The following PLCD4 variants were observed in gnomAD, a reference collection of about 807,000 sequenced individuals.
PLCD4 encodes the protein phospholipase C delta 4, also known as 1-phosphatidylinositol 4,5-bisphosphate phosphodiesterase delta-4.
Under a neutral mutation model 90.2 loss-of-function variants are expected in PLCD4, and 63 were observed. That is an observed-to-expected ratio of 0.70 (90% CI 0.57 to 0.86). The LOEUF is 0.86. Ranked by LOEUF, PLCD4 falls within the 40% of genes least tolerant of loss-of-function variation. The probability of loss-of-function intolerance (pLI) is 0.00; values close to 1 mark genes in which losing one functional copy is unlikely to be tolerated. For synonymous variants in PLCD4, 294 were observed against 356.5 expected, an observed-to-expected ratio of 0.82 and a Z score of 1.97; for missense variants, 830 against 956.3, an observed-to-expected ratio of 0.87 and a Z score of 1.74.
intron 9 of PLCD4, among the ~76,000 whole-genome samples, chr2:218,631,751 C>G (rs897316102): frequency 6.7e-6 from 1 of 149,770 alleles, no homozygotes; most frequent in Non-Finnish European, 1.5e-5. Context: ...GAGATTGCGC[C>G]ACTGCACTCC....
intron 3 of PLCD4, among the ~76,000 whole-genome samples, chr2:218,618,093 C>A (rs1394968613): frequency 1.1e-5 from 1 of 87,788 alleles, no homozygotes; most frequent in Non-Finnish European, 3.4e-5. Context: ...TGTCAAAAAA[C>A]AAACAAACAA....
chr2:218,622,503 G>A, intron 5 of PLCD4, 144 bp from the exon 6 acceptor site: 2 of 527,820 alleles, frequency 3.8e-6, no homozygotes, highest in Non-Finnish European at 6.6e-6. Context: ...CACATTGCAT[G>A]CCTATATCAA....
At chr2:218,617,558 C>T (rs1695675109) in intron 3 of PLCD4, among the ~76,000 whole-genome samples, 1 of 149,318 alleles carries the variant, frequency 6.7e-6, no homozygotes, top group East Asian at 2.1e-4. Context: ...GCCTGGGTGA[C>T]AAGAGCAAAA....
At chr2:218,636,449 G>T (rs937638830) in intron 15 of PLCD4, 22 bp from the exon 16 acceptor site, 17 of 1,613,986 alleles carry the variant, frequency 1.1e-5, no homozygotes, top group Admixed American at 3.3e-5. Context: ...CCTTCCTAAT[G>T]CTGTCCTCCT....
intron 9 of PLCD4, 127 bp from the exon 10 acceptor site, chr2:218,632,009 C>A: frequency 1.0e-6 from 1 of 961,310 alleles, no homozygotes; most frequent in Non-Finnish European, 1.5e-6. Flanking sequence ...AGCAGCTAAT[C>A]TCTTCCCTCG....
At position 218,636,314 on chromosome 2, in the gene PLCD4, G is replaced by T; in HGVS notation, c.2104G>T (p.Val702Leu). ...GCCTGAACTTGCCATGCTGCGTTTT[G>T]TGGTAATGGATTATGACTGGAAATC... ...LVPELAMLRF[V>L]VMDYDWKSRN... The change falls in exon 15 of 16, where the codon GTG (valine) becomes TTG (leucine). Residue 702 changes from valine to leucine, a missense_variant. Val to Leu is a conservative substitution (Grantham distance 32). Transcript: ENST00000450993. 6.2e-7 allele frequency: 1 copy of T among 1,614,044 alleles called. No individual in the cohort carries two copies. The highest frequency in any genetic ancestry group is 8.5e-7 in the Non-Finnish European group (1 of 1,179,910).
intron 10 of PLCD4, chr2:218,633,224 T>C: frequency 1.7e-6 from 1 of 599,182 alleles, no homozygotes; most frequent in Non-Finnish European, 3.0e-6. Context: ...TGTTCCTTTG[T>C]TTTAAATGAG....
chr2:218,618,589 T>C lies in PLCD4; in HGVS notation c.192T>C (p.Ser64=), dbSNP rs780237953. ...RGSAKPSFSI[S]DVETIRNGHD... Reference sequence around the variant, plus strand: ...TTTCTTCTCTGGCAGTCTCAATCTCTGATGTGGAGACAATACGTAATGGCC... The same window carrying C: ...TTTCTTCTCTGGCAGTCTCAATCTCCGATGTGGAGACAATACGTAATGGCC... Residue 64 remains serine, a synonymous_variant, in exon 4 of 16, where the codon TCT becomes TCC. Coordinates refer to ENST00000450993, the MANE Select transcript of PLCD4 (RefSeq NM_032726.4). The C allele has an allele frequency of 3.3e-5, 53 of 1,613,852 alleles. No homozygotes were observed. Among genetic ancestry groups the C allele is most frequent in the Non-Finnish European group, 4.2e-5 (50 of 1,179,804 alleles).
At chr2:218,632,032 C>A in intron 9 of PLCD4, 104 bp from the exon 10 acceptor site, 1 of 1,276,240 alleles carries the variant, frequency 7.8e-7, no homozygotes, top group Non-Finnish European at 1.1e-6. Context: ...AACTTCCGAC[C>A]ACTCACTCAC....
chr2:218,618,316 G>A (rs1020479501), intron 3 of PLCD4, among the ~76,000 whole-genome samples: 11 of 152,318 alleles, frequency 7.2e-5, no homozygotes, highest in Admixed American at 5.9e-4. Flanking sequence ...CATACTGCCA[G>A]CTTGTGGCTG....
intron 10 of PLCD4, chr2:218,633,116 C>G (rs187990281): frequency 5.6e-5 from 25 of 446,500 alleles, no homozygotes; most frequent in African/African-American, 4.4e-4. Context: ...AAAGATATTA[C>G]TCTGGGACTC....
intron 10 of PLCD4, chr2:218,633,276 A>C (rs1335589907): frequency 7.9e-6 from 5 of 635,722 alleles, no homozygotes; most frequent in Admixed American, 2.6e-5. Context: ...TATAATAATA[A>C]ATTTAAAACC....
Position 218,632,200 on chromosome 2 carries a change from A to C in PLCD4, c.1337A>C (p.Glu446Ala). 1 of 1,611,060 alleles carries C rather than the reference A, an allele frequency of 6.2e-7. No individual in the cohort carries two copies. Among genetic ancestry groups the C allele is most frequent in the Non-Finnish European group, 8.5e-7 (1 of 1,178,760 alleles). The stretch of plus-strand genomic sequence containing the variant: ...ACACTTGAGGAAGACCTGGAATATG[A>C]GGAAGAGGAAGCAGAACCTGAGTTG... Reference protein sequence around the residue: ...KLTLEEDLEYEEEEAEPELEE... With the variant: ...KLTLEEDLEYAEEEAEPELEE... The change falls in exon 10 of 16, where the codon GAG becomes GCG. Residue 446 changes from glutamate (E) to alanine (A), a missense_variant. Physicochemically the swap from Glu to Ala is moderately radical, Grantham distance 107. Coordinates refer to ENST00000450993, the MANE Select transcript of PLCD4 (RefSeq NM_032726.4).
chr2:218,623,498 C>T (rs1421641749), intron 6 of PLCD4, among the ~76,000 whole-genome samples: 1 of 152,206 alleles, frequency 6.6e-6, no homozygotes, highest in African/African-American at 2.4e-5. Context: ...AGACTCATTT[C>T]CTGCCCTCCA....
In PLCD4 at chr2:218,636,806, G is replaced by C; in HGVS notation, c.*229G>C. Reference sequence around the variant, plus strand: ...TTCATAAGCCTTTGGTATCTTTCCTGCCCTTTTCCTTTGTGTACTCTATAC... The same window carrying C: ...TTCATAAGCCTTTGGTATCTTTCCTCCCCTTTTCCTTTGTGTACTCTATAC... On this transcript the variant is annotated 3_prime_UTR_variant, in exon 16 of 16. Coordinates refer to ENST00000450993, the MANE Select transcript of PLCD4 (RefSeq NM_032726.4). 1 of 610,328 alleles carries C rather than the reference G, an allele frequency of 1.6e-6. No homozygotes were observed. Among genetic ancestry groups the C allele is most frequent in the Non-Finnish European group, 3.0e-6 (1 of 332,918 alleles). The allele number at this position is 610,328 out of a possible 1,614,324, so 37.8% of individuals were successfully genotyped here. A position where few individuals can be genotyped will look rare whatever the true frequency, so the allele number is the denominator to read the frequency against.
chr2:218,620,419 T>A (rs1306137332), intron 4 of PLCD4, among the ~76,000 whole-genome samples: 1 of 151,908 alleles, frequency 6.6e-6, no homozygotes, highest in Non-Finnish European at 1.5e-5. Flanking sequence ...GGCACGAGAA[T>A]CACTTGAACC....
In PLCD4 at chr2:218,636,703, A is replaced by C; in HGVS notation, c.*126A>C. 1 of 995,156 alleles carries C rather than the reference A, an allele frequency of 1.0e-6. No homozygotes were observed. The highest frequency in any genetic ancestry group is 1.5e-6 in the Non-Finnish European group (1 of 664,312). 61.6% of individuals were successfully genotyped at this position (995,156 alleles called of 1,614,324 possible). On this transcript the variant is annotated 3_prime_UTR_variant, in exon 16 of 16. Coordinates refer to ENST00000450993, the MANE Select transcript of PLCD4 (RefSeq NM_032726.4). ...TTTGGATTGTGCATTCCTAGGCACA[A>C]AATTACCTCATTCTTCCTAACAAGC...
At chr2:218,633,996 G>C (rs1696551009) in intron 11 of PLCD4, 109 bp from the exon 12 acceptor site, 3 of 1,440,438 alleles carry the variant, frequency 2.1e-6, no homozygotes, top group Non-Finnish European at 2.8e-6. Flanking sequence ...ACTTTCTGGA[G>C]CCAGCTTCAG....
At position 218,634,071 on chromosome 2, in the gene PLCD4, C is replaced by G; in HGVS notation, c.1607-34C>G. On this transcript the variant is annotated intron_variant, in intron 11 of 15. Transcript: ENST00000450993. This position sits in a 1 kb window ranked among gnomAD's most constrained non-coding sequence, Gnocchi z 4.0. ...GACTAGGGAAGTGGGAGATTCCACC[C>G]CACTTCCATCTCCCTCTCTATACCC... 8.3e-6 allele frequency: 13 copies of G among 1,574,150 alleles called. No individual in the cohort carries two copies. Among genetic ancestry groups the G allele is most frequent in the Non-Finnish European group, 1.0e-5 (12 of 1,159,510 alleles).
Sources: allele counts gnomAD v4.1 joint callset (sites outside exome capture counted in the v4.1 genomes callset), GRCh38; gene constraint gnomAD v4.1.1; non-coding constraint Gnocchi (gnomAD v3.1); transcripts MANE v1.5; gene names NCBI Gene and HGNC (gene_info 2026-07-23, HGNC 2026-07-21).